Variants in CACNA2D3 observed in about 807,000 individuals in gnomAD.
CACNA2D3 encodes the protein calcium voltage-gated channel auxiliary subunit alpha2delta 3, also known as voltage-dependent calcium channel subunit alpha-2/delta-3.
In CACNA2D3, 60 loss-of-function variants were observed where a neutral mutation model predicts 160.6. The ratio of observed to expected loss-of-function variants is 0.37; its 90% CI spans 0.30 to 0.46. The LOEUF (loss-of-function observed/expected upper bound fraction) is 0.46, where lower values mean the gene tolerates loss of function less well. Ranked by LOEUF, CACNA2D3 falls within the 20% of genes least tolerant of loss-of-function variation. The pLI, the probability that CACNA2D3 is intolerant of heterozygous loss-of-function variation, is 1.00. For missense variants in CACNA2D3, 1,205 were observed against 1,365.0 expected (o/e 0.88, Z 1.85); for synonymous variants, 558 against 492.9 (o/e 1.13, Z -1.75).
At chr3:54,492,767 C>T (rs1701131163) in intron 4 of CACNA2D3, among the ~76,000 whole-genome samples, 1 of 152,196 alleles carries the variant, frequency 6.6e-6, no homozygotes, top group African/African-American at 2.4e-5. Context: ...TCAGCTCTCC[C>T]TGTATTTCCC....
intron 34 of CACNA2D3, among the ~76,000 whole-genome samples, chr3:55,013,120 G>A (rs1703246705): frequency 6.6e-6 from 1 of 152,124 alleles, no homozygotes. Context: ...TTGCATCATT[G>A]ATGCATGGTG....
intron 17 of CACNA2D3, among the ~76,000 whole-genome samples, chr3:54,861,022 A>G (rs534422247): frequency 1.5e-4 from 23 of 152,306 alleles, no homozygotes; most frequent in African/African-American, 5.5e-4. Context: ...TCACATATTC[A>G]TGGGAACCTG....
chr3:54,125,385 C>G (rs1699571128), intron 2 of CACNA2D3, among the ~76,000 whole-genome samples: 1 of 152,166 alleles, frequency 6.6e-6, no homozygotes, highest in Admixed American at 6.5e-5. Context: ...ATTGAATTCA[C>G]TAGCTTTGCT....
chr3:54,500,501 CTA>C, intron 4 of CACNA2D3, among the ~76,000 whole-genome samples: 1 of 116,652 alleles, frequency 8.6e-6, no homozygotes, highest in African/African-American at 3.8e-5. Context: ...TCCTTCCTTC[CTA>C]TCTTCCTTCC....
At chr3:54,891,289 A>T (rs1194474853) in intron 24 of CACNA2D3, 66 bp from the exon 25 acceptor site, 11 of 1,087,646 alleles carry the variant, frequency 1.0e-5, no homozygotes, top group African/African-American at 1.6e-5. Context: ...TGTGAGTCTT[A>T]AAATGCAATG....
chr3:54,469,022 G>A (rs540405371), intron 4 of CACNA2D3, among the ~76,000 whole-genome samples: 10 of 152,198 alleles, frequency 6.6e-5, no homozygotes, highest in Non-Finnish European at 1.3e-4. Flanking sequence ...AAATGTTCCC[G>A]CCTGCCGGCT....
At chr3:54,362,270 AG>A (rs1307037713) in intron 3 of CACNA2D3, among the ~76,000 whole-genome samples, 1 of 152,184 alleles carries the variant, frequency 6.6e-6, no homozygotes, top group Non-Finnish European at 1.5e-5. Flanking sequence ...AAGCTCCTTC[AG>A]GTTGTTGGCA....
At chr3:54,975,092 C>T (rs1427492993) in intron 29 of CACNA2D3, among the ~76,000 whole-genome samples, 1 of 152,228 alleles carries the variant, frequency 6.6e-6, no homozygotes, top group Non-Finnish European at 1.5e-5. Context: ...AGTGGGCTCA[C>T]TCCACTGCAC....
At chr3:54,839,569 G>A (rs1162186294) in intron 16 of CACNA2D3, among the ~76,000 whole-genome samples, 1 of 152,158 alleles carries the variant, frequency 6.6e-6, no homozygotes, top group Non-Finnish European at 1.5e-5. Context: ...TGGCTAGCTG[G>A]TCTCCATTTC....
At chr3:55,067,273 T>C (rs900552717) in intron 35 of CACNA2D3, among the ~76,000 whole-genome samples, 1 of 152,046 alleles carries the variant, frequency 6.6e-6, no homozygotes, top group Non-Finnish European at 1.5e-5. Flanking sequence ...CCTCAAGGAG[T>C]TTGAGCTCTA....
chr3:54,721,627 G>A (rs371025497), intron 11 of CACNA2D3, among the ~76,000 whole-genome samples: 86 of 152,064 alleles, frequency 5.7e-4, no homozygotes, highest in African/African-American at 2.0e-3. Context: ...CAGGCGTGGT[G>A]GTAGGCACCT....
At chr3:54,727,060 A>C (rs926587528) in intron 11 of CACNA2D3, among the ~76,000 whole-genome samples, 1 of 152,034 alleles carries the variant, frequency 6.6e-6, no homozygotes, top group African/African-American at 2.4e-5. Context: ...ACTGAAATGT[A>C]TAAGAGAAAA....
rs576295758 is a variant in CACNA2D3 at position 54,460,683 on chromosome 3, A to G, written c.382-42809A>G. On this transcript the variant is annotated intron_variant, in intron 4 of 37. Coordinates refer to ENST00000474759, the MANE Select transcript of CACNA2D3 (RefSeq NM_018398.3). The stretch of plus-strand genomic sequence containing the variant: ...GCTTAAGGAGATTTTGGGCTGAGGC[A>G]ATGGGGTTTTCTAGATATACAATCA... Among the ~76,000 whole-genome samples, 423 of 152,232 alleles carry G rather than the reference A, an allele frequency of 2.8e-3. 4 individuals carry two copies. Among genetic ancestry groups the G allele is most frequent in the African/African-American group, 9.9e-3 (410 of 41,550 alleles).
intron 4 of CACNA2D3, among the ~76,000 whole-genome samples, chr3:54,405,099 C>G (rs915534141): frequency 1.5e-5 from 1 of 67,076 alleles, no homozygotes; most frequent in Non-Finnish European, 2.9e-5. Context: ...ACTAAAATGT[C>G]TATACTATAC....
At chr3:54,436,461 A>C (rs1214613595) in intron 4 of CACNA2D3, among the ~76,000 whole-genome samples, 2 of 152,216 alleles carry the variant, frequency 1.3e-5, no homozygotes, top group Non-Finnish European at 2.9e-5. Context: ...TCATTCTACT[A>C]TAAAGTCACA....
At chr3:54,209,691 G>A (rs935677594) in intron 2 of CACNA2D3, among the ~76,000 whole-genome samples, 12 of 152,166 alleles carry the variant, frequency 7.9e-5, no homozygotes, top group Non-Finnish European at 1.3e-4. Flanking sequence ...TTTCAAACCT[G>A]GACTCAAGCA....
intron 11 of CACNA2D3, among the ~76,000 whole-genome samples, chr3:54,657,692 A>G (rs547079354): frequency 6.6e-5 from 10 of 152,220 alleles, no homozygotes; most frequent in African/African-American, 2.4e-4. Context: ...CATGTTGTAA[A>G]TGGTAGGATT....
intron 2 of CACNA2D3, among the ~76,000 whole-genome samples, chr3:54,239,976 C>T (rs897739971): frequency 6.6e-6 from 1 of 152,196 alleles, no homozygotes; most frequent in African/African-American, 2.4e-5. Context: ...GTAATAATCA[C>T]TGCAAACGAC....
intron 5 of CACNA2D3, among the ~76,000 whole-genome samples, chr3:54,556,916 A>G (rs888874585): frequency 2.6e-5 from 4 of 152,212 alleles, no homozygotes; most frequent in African/African-American, 9.6e-5. Flanking sequence ...GACAGCATTT[A>G]CTGTCCCGTG....
Sources: gnomAD v4.1 joint callset for allele counts (sites outside exome capture counted in the v4.1 genomes callset) on GRCh38, gnomAD v4.1.1 for gene constraint, MANE v1.5 for transcripts, NCBI Gene and HGNC (gene_info 2026-07-23, HGNC 2026-07-21) for gene names.